ZAP70: variants seen among roughly 807,000 people sequenced by gnomAD.
ZAP70 encodes tyrosine-protein kinase ZAP-70.
Under a neutral mutation model 65.8 loss-of-function variants are expected in ZAP70, and 27 were observed. That is an observed-to-expected ratio of 0.41 (90% CI 0.30 to 0.57). The LOEUF (loss-of-function observed/expected upper bound fraction) is 0.57. ZAP70 is among the 20% of genes least tolerant of loss of function. The pLI, the probability that ZAP70 is intolerant of heterozygous loss-of-function variation, is 0.28. For missense variants in ZAP70, 696 were observed against 870.5 expected (o/e 0.80, Z 2.52); for synonymous variants, 363 against 360.8 (o/e 1.01, Z -0.07).
chr2:97,722,434 G>A (rs1677199274), intron 2 of ZAP70, among the ~76,000 whole-genome samples: 1 of 152,190 alleles, frequency 6.6e-6, no homozygotes, highest in Admixed American at 6.5e-5. Context: ...GGTTGACATG[G>A]CCCCCAACCA....
chr2:97,745,844 A>G, the ZAP70 span, among the ~76,000 whole-genome samples: 83 of 152,388 alleles, frequency 5.4e-4, no homozygotes, highest in Non-Finnish European at 1.0e-3. Context: ...GGTCTCAGAT[A>G]ATAGTAAACC....
intron 8 of ZAP70, chr2:97,734,125 AGTT>A (rs1262655596): frequency 3.4e-6 from 1 of 291,224 alleles, no homozygotes; most frequent in South Asian, 4.9e-5. Context: ...GAAGACACAT[AGTT>A]ACATGTGCAC....
chr2:97,718,123 C>A (rs889093753), intron 2 of ZAP70, among the ~76,000 whole-genome samples: 3 of 152,202 alleles, frequency 2.0e-5, no homozygotes, highest in Admixed American at 6.5e-5. Context: ...CTGAGGGACG[C>A]GGCTCCTAAC....
At position 97,733,338 on chromosome 2, in the gene ZAP70, A is replaced by C. The variant is rs1677698422; in HGVS notation, c.832A>C (p.Thr278Pro). Reference protein sequence around the residue: ...PTLPAHPSTLTHPQRRIDTLN... With the variant: ...PTLPAHPSTLPHPQRRIDTLN... ...ACTCCCAGCCCACCCATCCACGTTGACTCATGTGAGTTGGGGGCACCTGGA... is the reference window on the plus strand; with the variant it reads ...ACTCCCAGCCCACCCATCCACGTTGCCTCATGTGAGTTGGGGGCACCTGGA... The change falls in exon 7 of 14, where the codon ACT becomes CCT. Residue 278 changes from threonine (T) to proline (P), a missense_variant. This residue lies in a region of ZAP70 where 551 missense variants were observed against 630.0 expected (regional missense o/e 0.87). Coordinates refer to ENST00000264972, the MANE Select transcript of ZAP70 (RefSeq NM_001079.4). 1.9e-6 allele frequency: 3 copies of C among 1,594,798 alleles called. No homozygotes were observed. The highest frequency in any genetic ancestry group is 2.6e-6 in the Non-Finnish European group (3 of 1,169,218).
chr2:97,730,525 A>T (rs976010753), intron 4 of ZAP70, among the ~76,000 whole-genome samples: 2 of 152,144 alleles, frequency 1.3e-5, no homozygotes, highest in Non-Finnish European at 2.9e-5. Context: ...TGCCAGGAAA[A>T]GCAAGAGAGG....
intron 2 of ZAP70, among the ~76,000 whole-genome samples, chr2:97,723,618 C>T (rs906201262): frequency 6.6e-6 from 1 of 152,230 alleles, no homozygotes; most frequent in Non-Finnish European, 1.5e-5. Flanking sequence ...CACGGCTCTC[C>T]CTCCTTAGAG....
downstream of ZAP70, among the ~76,000 whole-genome samples, chr2:97,744,302 TAAACTC>T (rs954987000): frequency 3.3e-5 from 5 of 152,130 alleles, no homozygotes; most frequent in Non-Finnish European, 5.9e-5. Context: ...ACACGCTAAA[TAAACTC>T]AAAATTTTGT....
chr2:97,724,472 G>T, intron 3 of ZAP70, 34 bp downstream of exon 3: 2 of 1,514,938 alleles, frequency 1.3e-6, no homozygotes, highest in South Asian at 2.5e-5. Context: ...GGGTCTGGAG[G>T]GGCGTGGCCG....
chr2:97,722,167 G>A (rs779303464), intron 2 of ZAP70, among the ~76,000 whole-genome samples: 2 of 151,906 alleles, frequency 1.3e-5, no homozygotes, highest in Non-Finnish European at 2.9e-5. Context: ...TGGAATCTCC[G>A]CCTCTTGGGT....
intron 2 of ZAP70, among the ~76,000 whole-genome samples, chr2:97,722,086 T>C (rs1180079897): frequency 6.8e-6 from 1 of 147,094 alleles, no homozygotes; most frequent in Non-Finnish European, 1.5e-5. Context: ...CTCGGCCTAT[T>C]TTATCTTTTT....
At chr2:97,741,162 C>T (rs557863828), downstream of ZAP70, among the ~76,000 whole-genome samples, 119 of 152,294 alleles carry the variant, frequency 7.8e-4, no homozygotes, top group African/African-American at 2.8e-3. Flanking sequence ...AGCAAGGAGC[C>T]AGCAAGTCTA....
At chr2:97,747,132 C>A in the ZAP70 span, among the ~76,000 whole-genome samples, 1 of 152,182 alleles carries the variant, frequency 6.6e-6, no homozygotes, top group Non-Finnish European at 1.5e-5. Flanking sequence ...AGTGCAGCTG[C>A]TTTGTAAAAC....
chr2:97,737,384 C>A lies in ZAP70; in HGVS notation c.1290-89C>A, dbSNP rs11686881. Reference sequence around the variant, plus strand: ...TTTTTGAACACATGGTCACCTGGCTCATGCCCAGCTGGGTCAGAGAAGCAT... The same window carrying A: ...TTTTTGAACACATGGTCACCTGGCTAATGCCCAGCTGGGTCAGAGAAGCAT... On this transcript the variant is annotated intron_variant, in intron 10 of 13. Coordinates refer to ENST00000264972, the MANE Select transcript of ZAP70 (RefSeq NM_001079.4). The surrounding 1 kb of genome is among the most constrained non-coding windows in gnomAD (Gnocchi z 5.0). 7.0e-7 allele frequency: 1 copy of A among 1,422,132 alleles called. No individual in the cohort carries two copies. Among genetic ancestry groups the A allele is most frequent in the Non-Finnish European group, 9.9e-7 (1 of 1,012,078 alleles). 88.1% of individuals were successfully genotyped at this position (1,422,132 alleles called of 1,614,324 possible). A position where few individuals can be genotyped will look rare whatever the true frequency, so the allele number is the denominator to read the frequency against.
chr2:97,751,003 C>T, the ZAP70 span, among the ~76,000 whole-genome samples: 5 of 152,102 alleles, frequency 3.3e-5, no homozygotes, highest in African/African-American at 1.2e-4. Context: ...AATCAAGGAT[C>T]GCTACTGGAA....
chr2:97,723,981 C>T (rs1677263877), intron 2 of ZAP70, 35 bp from the exon 3 acceptor site: 1 of 1,534,008 alleles, frequency 6.5e-7, no homozygotes, highest in Non-Finnish European at 8.7e-7. Context: ...TTCAGGAAGG[C>T]CCTGACGTGC....
Position 97,724,297 on chromosome 2 carries a change from C to T in ZAP70, c.261C>T (p.Tyr87=), listed in dbSNP as rs200679671. ...GACCGGCAGAGCTCTGCGAGTTCTA[C>T]TCGCGCGACCCCGACGGGCTGCCCT... ...HCGPAELCEF[Y]SRDPDGLPCN... is the part of the protein sequence containing the mutation. The change falls in exon 3 of 14, where the codon TAC becomes TAT. Residue 87 remains tyrosine, a synonymous_variant. Transcript: ENST00000264972. 2 of 1,593,608 alleles carry T rather than the reference C, an allele frequency of 1.3e-6. No individual in the cohort carries two copies. Among genetic ancestry groups the T allele is most frequent in the Non-Finnish European group, 1.7e-6 (2 of 1,171,852 alleles).
intron 2 of ZAP70, among the ~76,000 whole-genome samples, chr2:97,720,456 C>T (rs1677115111): frequency 6.6e-6 from 1 of 152,154 alleles, no homozygotes; most frequent in African/African-American, 2.4e-5. Context: ...TCTCAAACTC[C>T]TGACTTTAGG....
chr2:97,732,197 A>G (rs571783587), intron 4 of ZAP70, among the ~76,000 whole-genome samples: 1 of 152,340 alleles, frequency 6.6e-6, no homozygotes, highest in East Asian at 1.9e-4. Context: ...ACAAAATTCC[A>G]GCAGAAGGCA....
intron 8 of ZAP70, 177 bp from the exon 9 acceptor site, chr2:97,734,343 A>C: frequency 3.5e-6 from 5 of 1,429,038 alleles, no homozygotes; most frequent in Non-Finnish European, 4.6e-6. Context: ...AGCTGTGGCC[A>C]GGAGTGTATG....
Sources: allele counts gnomAD v4.1 joint callset (sites outside exome capture counted in the v4.1 genomes callset), GRCh38; gene constraint gnomAD v4.1.1; regional missense constraint gnomAD v4.1.1; non-coding constraint Gnocchi (gnomAD v3.1); transcripts MANE v1.5; gene names NCBI Gene and HGNC (gene_info 2026-07-23, HGNC 2026-07-21).